TTC7B: variants seen among roughly 807,000 people sequenced by gnomAD.
TTC7B encodes tetratricopeptide repeat domain 7B.
Under a neutral mutation model 106.8 loss-of-function variants are expected in TTC7B, and 28 were observed. The ratio of observed to expected loss-of-function variants is 0.26; its 90% CI spans 0.19 to 0.36. TTC7B has a LOEUF of 0.36. Among genes scored for constraint, TTC7B ranks in the 10% least tolerant of loss-of-function variants. The pLI is 1.00. For missense variants in TTC7B, 862 were observed against 1,076.4 expected (o/e 0.80, Z 2.79); for synonymous variants, 405 against 430.6 (o/e 0.94, Z 0.74).
chr14:90,738,083 T>C (rs1044756344), intron 4 of TTC7B, among the ~76,000 whole-genome samples: 47 of 152,276 alleles, frequency 3.1e-4, no homozygotes, highest in Non-Finnish European at 6.8e-4. Context: ...GTGAATTGTA[T>C]GGTAACAGTA....
chr14:90,752,195 C>T lies in TTC7B; in HGVS notation c.446-7273G>A, dbSNP rs528140186. ...ACTAACAGAATATAGTATAACAAAC[C>T]GGACTCTCCACTCCTTGCTTCCTTT... On this transcript the variant is annotated intron_variant, in intron 3 of 19. Coordinates refer to ENST00000328459, the MANE Select transcript of TTC7B (RefSeq NM_001010854.2). 6.6e-5 allele frequency among the ~76,000 whole-genome samples: 10 copies of T among 152,196 alleles called. No homozygotes were observed. In the East Asian group the frequency reaches 1.2e-3, roughly 18 times the overall value.
At chr14:90,565,904 C>G (rs915062447) in intron 19 of TTC7B, among the ~76,000 whole-genome samples, 1 of 152,064 alleles carries the variant, frequency 6.6e-6, no homozygotes, top group Non-Finnish European at 1.5e-5. Flanking sequence ...AGTTTGCTGT[C>G]TTATATGGGT....
chr14:90,712,473 CAA>C (rs1282106050), intron 5 of TTC7B, among the ~76,000 whole-genome samples: 1 of 151,992 alleles, frequency 6.6e-6, no homozygotes, highest in African/African-American at 2.4e-5. Flanking sequence ...ATATAAAAAT[CAA>C]AAGTTTTCAA....
At chr14:90,590,106 T>C (rs1334110570) in intron 18 of TTC7B, among the ~76,000 whole-genome samples, 1 of 152,152 alleles carries the variant, frequency 6.6e-6, no homozygotes, top group African/African-American at 2.4e-5. Context: ...GGCTCAGGGA[T>C]AAGAGGGAGC....
intron 3 of TTC7B, among the ~76,000 whole-genome samples, chr14:90,753,412 A>G (rs1760049704): frequency 6.6e-6 from 1 of 152,234 alleles, no homozygotes. Context: ...AAGGCTGAAA[A>G]GAGACTCAAG....
intron 2 of TTC7B, among the ~76,000 whole-genome samples, chr14:90,785,969 C>T (rs1459145773): frequency 6.6e-6 from 1 of 152,136 alleles, no homozygotes; most frequent in African/African-American, 2.4e-5. Flanking sequence ...ATCAGAGAGA[C>T]CCTATTGGCC....
intron 8 of TTC7B, among the ~76,000 whole-genome samples, chr14:90,677,046 C>T (rs796903010): frequency 3.3e-4 from 51 of 152,322 alleles, no homozygotes; most frequent in African/African-American, 1.2e-3. Flanking sequence ...GCACCTCACT[C>T]GTGAATCCTG....
intron 18 of TTC7B, among the ~76,000 whole-genome samples, chr14:90,584,639 C>G (rs367969026): frequency 6.6e-6 from 1 of 152,098 alleles, no homozygotes; most frequent in Admixed American, 6.5e-5. Flanking sequence ...CTCAGAACGG[C>G]CCCGAGATCT....
chr14:90,797,463 A>G (rs1288033395), intron 1 of TTC7B, among the ~76,000 whole-genome samples: 2 of 150,702 alleles, frequency 1.3e-5, no homozygotes, highest in African/African-American at 4.8e-5. Flanking sequence ...GTCTAAAGAA[A>G]AAAAAAGCCT....
chr14:90,568,903 T>G (rs2078889659), intron 19 of TTC7B, among the ~76,000 whole-genome samples: 1 of 152,180 alleles, frequency 6.6e-6, no homozygotes, highest in Admixed American at 6.5e-5. Flanking sequence ...GCTAAAAAAG[T>G]GCAGTTTCAA....
chr14:90,665,113 C>T (rs769179506), intron 9 of TTC7B, among the ~76,000 whole-genome samples: 2 of 152,100 alleles, frequency 1.3e-5, no homozygotes. Flanking sequence ...GCTGCAGATC[C>T]CTGAGTCACC....
At chr14:90,697,849 T>C (rs1300592874) in intron 5 of TTC7B, 2 of 152,258 alleles carry the variant, frequency 1.3e-5, no homozygotes, top group African/African-American at 2.4e-5. Flanking sequence ...GTATTCCCAA[T>C]TAAGCCTTTG....
chr14:90,816,352 C>A lies in TTC7B; in HGVS notation c.-57G>T. ...GCAGGCCCCACCGCCGCCGCCGCGG[C>A]GCCCCCTCGCCGCCTCCCGCCGCCG... On this transcript the variant is annotated 5_prime_UTR_variant, in exon 1 of 20. Transcript: ENST00000328459. 2.1e-6 allele frequency: 2 copies of A among 930,596 alleles called. No individual in the cohort carries two copies. The highest frequency in any genetic ancestry group is 1.3e-6 in the Non-Finnish European group (1 of 783,006). The allele number at this position is 930,596 out of a possible 1,614,324, so 57.6% of individuals were successfully genotyped here.
chr14:90,707,088 G>A (rs1188131296), intron 5 of TTC7B, among the ~76,000 whole-genome samples: 1 of 151,996 alleles, frequency 6.6e-6, no homozygotes, highest in Non-Finnish European at 1.5e-5. Context: ...AAGGACACAG[G>A]GGATGATGGA....
intron 4 of TTC7B, among the ~76,000 whole-genome samples, chr14:90,740,019 A>C (rs1265304695): frequency 6.6e-6 from 1 of 152,202 alleles, no homozygotes; most frequent in African/African-American, 2.4e-5. Context: ...TATTTGGTTA[A>C]ATTATTTTAT....
At chr14:90,715,601 G>T (rs1052831872) in intron 5 of TTC7B, among the ~76,000 whole-genome samples, 2 of 152,164 alleles carry the variant, frequency 1.3e-5, no homozygotes, top group Admixed American at 6.5e-5. Flanking sequence ...AGTTACAGAT[G>T]AAGAAACTGA....
intron 1 of TTC7B, among the ~76,000 whole-genome samples, chr14:90,810,537 T>G (rs2140065379): frequency 6.6e-6 from 1 of 152,362 alleles, no homozygotes; most frequent in Non-Finnish European, 1.5e-5. Context: ...GAGGTTGGAC[T>G]ACATCAATGG....
At chr14:90,594,133 C>A (rs1008309655) in intron 17 of TTC7B, among the ~76,000 whole-genome samples, 1 of 152,062 alleles carries the variant, frequency 6.6e-6, no homozygotes, top group Non-Finnish European at 1.5e-5. Flanking sequence ...TGGACTACAC[C>A]CTCGGTTTAG....
At chr14:90,786,420 G>C (rs114655150) in intron 1 of TTC7B, 92 bp from the exon 2 acceptor site, 10 of 1,494,156 alleles carry the variant, frequency 6.7e-6, no homozygotes, top group South Asian at 1.2e-5. Context: ...ACCACCCTCC[G>C]AGGCTCCAGG....
Sources: gnomAD v4.1 joint callset for allele counts (sites outside exome capture counted in the v4.1 genomes callset) on GRCh38, gnomAD v4.1.1 for gene constraint, MANE v1.5 for transcripts, NCBI Gene and HGNC (gene_info 2026-07-23, HGNC 2026-07-21) for gene names.